The following TSHZ1 variants were observed in gnomAD, a reference collection of about 807,000 sequenced individuals.
TSHZ1 encodes the protein teashirt homolog 1.
A neutral mutation model predicts 67.1 loss-of-function variants in TSHZ1; 12 were observed. That is an observed-to-expected ratio of 0.18 (90% CI 0.11 to 0.29). The LOEUF is 0.29. TSHZ1 is among the 10% of genes least tolerant of loss of function. The pLI, the probability that TSHZ1 is intolerant of heterozygous loss-of-function variation, is 1.00. For missense variants in TSHZ1, 1,305 were observed against 1,413.9 expected, an observed-to-expected ratio of 0.92 and a Z score of 1.23; for synonymous variants, 632 against 622.4, an observed-to-expected ratio of 1.02 and a Z score of -0.23.
intron 1 of TSHZ1, among the ~76,000 whole-genome samples, chr18:75,234,755 A>G (rs909453414): frequency 6.6e-6 from 1 of 152,310 alleles, no homozygotes; most frequent in East Asian, 1.9e-4. Context: ...TCACCCATAC[A>G]TATTTCTATA....
At chr18:75,280,427 A>G (rs1314420884) in intron 1 of TSHZ1, among the ~76,000 whole-genome samples, 2 of 152,224 alleles carry the variant, frequency 1.3e-5, no homozygotes, top group African/African-American at 4.8e-5. Flanking sequence ...TGGCTGTTCT[A>G]AATACTTAAT....
At chr18:75,259,499 T>C (rs1225391898) in intron 1 of TSHZ1, among the ~76,000 whole-genome samples, 1 of 152,166 alleles carries the variant, frequency 6.6e-6, no homozygotes, top group Non-Finnish European at 1.5e-5. Context: ...ATATCCAGAC[T>C]GTAGATGCCA....
At chr18:75,268,327 A>AGAGG (rs1165719709) in intron 1 of TSHZ1, among the ~76,000 whole-genome samples, 3 of 152,158 alleles carry the variant, frequency 2.0e-5, no homozygotes, top group Non-Finnish European at 2.9e-5. Context: ...ACATGATAGG[A>AGAGG]GAGAGGAAAT....
intron 1 of TSHZ1, among the ~76,000 whole-genome samples, chr18:75,265,009 G>A (rs1040568623): frequency 2.0e-5 from 3 of 152,154 alleles, no homozygotes; most frequent in African/African-American, 2.4e-5. Flanking sequence ...AAATTGGTAC[G>A]TTAAATATGC....
intron 1 of TSHZ1, among the ~76,000 whole-genome samples, chr18:75,256,509 C>T (rs1430689807): frequency 1.3e-5 from 2 of 152,314 alleles, no homozygotes; most frequent in Admixed American, 6.5e-5. Flanking sequence ...GTTCCACCTT[C>T]TCCTATTAAA....
At chr18:75,266,345 T>C (rs1444854975) in intron 1 of TSHZ1, among the ~76,000 whole-genome samples, 1 of 152,208 alleles carries the variant, frequency 6.6e-6, no homozygotes, top group African/African-American at 2.4e-5. Context: ...TTGTAGATAA[T>C]ACTAGGCCTC....
At chr18:75,236,022 C>T (rs1000116347) in intron 1 of TSHZ1, among the ~76,000 whole-genome samples, 37 of 152,130 alleles carry the variant, frequency 2.4e-4, no homozygotes, top group African/African-American at 8.7e-4. Context: ...TGATAGGAAG[C>T]GTGCGTGATA....
At position 75,260,026 on chromosome 18, in the gene TSHZ1, A is replaced by G. The variant is rs1480763833; in HGVS notation, c.41-25422A>G. On this transcript the variant is annotated intron_variant, in intron 1 of 1. Coordinates refer to ENST00000580243, the MANE Select transcript of TSHZ1 (RefSeq NM_001308210.2). ...TTGTACTGATGCCTTTCAGGTCTCA[A>G]GTCAGCTCTGTGCTTCATAGCAGCT... is the stretch of plus-strand genomic sequence containing the variant. Among the ~76,000 whole-genome samples, 3 of 152,282 alleles carry G rather than the reference A, an allele frequency of 2.0e-5. No individual in the cohort carries two copies. In the East Asian group the frequency reaches 5.8e-4, roughly 29 times the overall value.
chr18:75,219,586 T>C (rs1014063800), intron 1 of TSHZ1, among the ~76,000 whole-genome samples: 3 of 152,244 alleles, frequency 2.0e-5, no homozygotes, highest in African/African-American at 4.8e-5. Context: ...GTCTTTGCCA[T>C]GCAGTCTTTG....
intron 1 of TSHZ1, among the ~76,000 whole-genome samples, chr18:75,231,373 T>C (rs1451943577): frequency 2.0e-5 from 3 of 152,120 alleles, no homozygotes; most frequent in Non-Finnish European, 2.9e-5. Flanking sequence ...TTGGTGTGAG[T>C]CCTTCTCTGG....
chr18:75,215,354 G>C (rs1299233832), intron 1 of TSHZ1, among the ~76,000 whole-genome samples: 2 of 152,294 alleles, frequency 1.3e-5, no homozygotes, highest in Non-Finnish European at 2.9e-5. Flanking sequence ...TCTGTGTCTG[G>C]GTAAGAATTA....
intron 1 of TSHZ1, among the ~76,000 whole-genome samples, chr18:75,271,729 C>G (rs1476682588): frequency 1.3e-5 from 2 of 151,770 alleles, no homozygotes; most frequent in African/African-American, 2.4e-5. Context: ...CCGCTCCCCC[C>G]TCCCCGCTTC....
At chr18:75,268,909 A>C (rs532303713) in intron 1 of TSHZ1, among the ~76,000 whole-genome samples, 2 of 151,846 alleles carry the variant, frequency 1.3e-5, no homozygotes, top group African/African-American at 4.8e-5. Context: ...TTTCCACCCC[A>C]TTTTCCTCTC....
intron 1 of TSHZ1, among the ~76,000 whole-genome samples, chr18:75,238,517 A>G (rs1488287480): frequency 6.6e-6 from 1 of 152,096 alleles, no homozygotes; most frequent in South Asian, 2.1e-4. Context: ...TCTTGGAGTG[A>G]GACTAACTGA....
intron 1 of TSHZ1, among the ~76,000 whole-genome samples, chr18:75,239,181 G>A (rs766868739): frequency 6.6e-6 from 1 of 152,250 alleles, no homozygotes; most frequent in Non-Finnish European, 1.5e-5. Context: ...GGCCAGCGCA[G>A]GCCAGGGGCC....
intron 1 of TSHZ1, among the ~76,000 whole-genome samples, chr18:75,246,403 G>GGTGTGGGGGTGTGTGT (rs2023222747): frequency 9.2e-6 from 1 of 108,372 alleles, no homozygotes; most frequent in South Asian, 3.8e-4. Context: ...TTTGGTTTCT[G>GGTGTGGGGGTGTGTGT]GTGTGTGTGT....
rs2022689929 is a variant in TSHZ1, at chr18:75,211,620, C to A, written c.-257C>A. On this transcript the variant is annotated 5_prime_UTR_variant, in exon 1 of 2. Coordinates refer to ENST00000580243, the MANE Select transcript of TSHZ1 (RefSeq NM_001308210.2). Reference sequence around the variant, plus strand: ...GATGACTCCGGGCTCGGCGCCCAGGCCCCGCGCGCTCCGCCCGCAGCCCGG... The same window carrying A: ...GATGACTCCGGGCTCGGCGCCCAGGACCCGCGCGCTCCGCCCGCAGCCCGG... The A allele has an allele frequency of 1.8e-5, 2 of 114,018 alleles. No individual in the cohort carries two copies. The highest frequency in any genetic ancestry group is 3.7e-5 in the Non-Finnish European group (2 of 54,168). 7.1% of individuals were successfully genotyped at this position (114,018 alleles called of 1,614,324 possible).
chr18:75,286,885 C>T lies in TSHZ1; in HGVS notation c.1478C>T (p.Ser493Phe), dbSNP rs1311482105. ...AAGCAGCCCGACTCTCCCGCGGGGTCCACGACTTCTGAAGAAAAGAAAGAG... is the reference window on the plus strand; with the variant it reads ...AAGCAGCCCGACTCTCCCGCGGGGTTCACGACTTCTGAAGAAAAGAAAGAG... ...IKKQPDSPAG[S>F]TTSEEKKEPE... is the part of the protein sequence containing the mutation. Residue 493 changes from serine (S) to phenylalanine (F), a missense_variant, in exon 2 of 2, where the codon TCC becomes TTC. Coordinates refer to ENST00000580243, the MANE Select transcript of TSHZ1 (RefSeq NM_001308210.2). The surrounding 1 kb of genome is among the most constrained non-coding windows in gnomAD (Gnocchi z 5.1). The T allele has an allele frequency of 6.2e-7, 1 of 1,614,182 alleles. No homozygotes were observed. Among genetic ancestry groups the T allele is most frequent in the East Asian group, 2.2e-5 (1 of 44,872 alleles).
At position 75,286,192 on chromosome 18, in the gene TSHZ1, C is replaced by T. The variant is rs760100606; in HGVS notation, c.785C>T (p.Thr262Met). Residue 262 changes from threonine (T) to methionine (M), a missense_variant, in exon 2 of 2, where the codon ACG becomes ATG. Around this residue, in one of 3 missense-constraint regions of TSHZ1, gnomAD observed 358 missense variants for 375.6 expected, o/e 0.95. Transcript: ENST00000580243. The surrounding 1 kb of genome is among the most constrained non-coding windows in gnomAD (Gnocchi z 5.1). ...SAAYDTLVEL[T>M]VHMNETGHYR... ...GCGTACGACACGCTGGTGGAACTGA[C>T]GGTGCACATGAACGAGACAGGCCAC... 2.5e-6 allele frequency: 4 copies of T among 1,613,880 alleles called. No homozygotes were observed. Among genetic ancestry groups the T allele is most frequent in the Non-Finnish European group, 3.4e-6 (4 of 1,180,004 alleles).
Sources: allele counts gnomAD v4.1 joint callset (sites outside exome capture counted in the v4.1 genomes callset), GRCh38; gene constraint gnomAD v4.1.1; regional missense constraint gnomAD v4.1.1; non-coding constraint Gnocchi (gnomAD v3.1); transcripts MANE v1.5; gene names NCBI Gene and HGNC (gene_info 2026-07-23, HGNC 2026-07-21).